Variants in ESRRG observed in about 807,000 individuals in gnomAD.
ESRRG encodes estrogen related receptor gamma.
In ESRRG, 13 loss-of-function variants were observed where a neutral mutation model predicts 44.0. The observed-to-expected ratio is 0.30, with a 90% CI of 0.19 to 0.47. The LOEUF is 0.47. ESRRG is among the 20% of genes least tolerant of loss of function. The pLI, the probability that ESRRG is intolerant of heterozygous loss-of-function variation, is 1.00. For missense variants in ESRRG, 395 were observed against 580.6 expected (o/e 0.68, Z 3.29); for synonymous variants, 215 against 214.6 (o/e 1.00, Z -0.02).
At chr1:216,844,483 T>C (rs953131257) in intron 2 of ESRRG, among the ~76,000 whole-genome samples, 2 of 152,070 alleles carry the variant, frequency 1.3e-5, no homozygotes, top group African/African-American at 4.8e-5. Context: ...CCTGCTCAGC[T>C]CTGATGTCAT....
intron 1 of ESRRG, among the ~76,000 whole-genome samples, chr1:216,966,803 C>T (rs550580653): frequency 6.2e-4 from 95 of 152,238 alleles, no homozygotes; most frequent in African/African-American, 2.1e-3. Context: ...CCACTATAAA[C>T]CAATGGCCTT....
intron 5 of ESRRG, among the ~76,000 whole-genome samples, chr1:216,524,252 A>ATATATATACATATATATATATATGTAAGT (rs2046980686): frequency 1.4e-5 from 1 of 70,000 alleles, no homozygotes; most frequent in Non-Finnish European, 3.3e-5. Context: ...TATGTAAGTT[A>ATATATATACATATATATATATATGTAAGT]TATATATATA....
chr1:216,763,744 C>T (rs1408731615), intron 2 of ESRRG, among the ~76,000 whole-genome samples: 2 of 152,070 alleles, frequency 1.3e-5, no homozygotes, highest in African/African-American at 2.4e-5. Flanking sequence ...TTTTGGATCC[C>T]AACAGATGTA....
At chr1:217,102,284 T>G (rs759879364) in intron 1 of ESRRG, among the ~76,000 whole-genome samples, 4 of 152,222 alleles carry the variant, frequency 2.6e-5, no homozygotes, top group Non-Finnish European at 1.5e-5. Flanking sequence ...AGCAAGTAAG[T>G]GTGGGATCTG....
chr1:217,118,855 A>C (rs545667619), intron 1 of ESRRG, among the ~76,000 whole-genome samples: 1 of 152,216 alleles, frequency 6.6e-6, no homozygotes, highest in Admixed American at 6.5e-5. Context: ...GTAGCCAAGC[A>C]TGGTGGCTTA....
At chr1:216,937,732 C>T (rs1048643627) in intron 2 of ESRRG, among the ~76,000 whole-genome samples, 2 of 152,158 alleles carry the variant, frequency 1.3e-5, no homozygotes, top group African/African-American at 4.8e-5. Flanking sequence ...AGGCTGGGGA[C>T]CTGAAACCCA....
chr1:216,793,902 T>TA (rs1468973511), intron 2 of ESRRG, among the ~76,000 whole-genome samples: 1 of 152,116 alleles, frequency 6.6e-6, no homozygotes, highest in Non-Finnish European at 1.5e-5. Flanking sequence ...TTCCTGTTTT[T>TA]ATCATTAAAG....
chr1:216,648,004 G>GTT (rs886432915), intron 3 of ESRRG, among the ~76,000 whole-genome samples: 1 of 152,162 alleles, frequency 6.6e-6, no homozygotes, highest in Admixed American at 6.5e-5. Context: ...CAACACGGGG[G>GTT]TTGTAGCAGC....
intron 3 of ESRRG, among the ~76,000 whole-genome samples, chr1:216,592,820 A>T (rs1443420436): frequency 1.3e-5 from 2 of 152,176 alleles, no homozygotes; most frequent in Non-Finnish European, 2.9e-5. Flanking sequence ...ATCTTGTTAT[A>T]ATCTGGCAGA....
chr1:216,629,199 A>T (rs1230963140), intron 3 of ESRRG, among the ~76,000 whole-genome samples: 2 of 152,234 alleles, frequency 1.3e-5, no homozygotes, highest in Non-Finnish European at 2.9e-5. Flanking sequence ...GAGATGGTCA[A>T]TATATCTTTG....
chr1:216,896,648 T>C (rs1417962926), intron 2 of ESRRG, among the ~76,000 whole-genome samples: 2 of 152,220 alleles, frequency 1.3e-5, no homozygotes, highest in African/African-American at 2.4e-5. Context: ...TACTTTGGGA[T>C]TCTAGGAACC....
intron 2 of ESRRG, among the ~76,000 whole-genome samples, chr1:216,934,277 T>C (rs1016975724): frequency 6.6e-6 from 1 of 152,008 alleles, no homozygotes; most frequent in Non-Finnish European, 1.5e-5. Flanking sequence ...CTACTAAATA[T>C]ACAAAAATTA....
intron 2 of ESRRG, among the ~76,000 whole-genome samples, chr1:216,921,467 G>A (rs2061836715): frequency 1.3e-5 from 2 of 152,162 alleles, no homozygotes; most frequent in South Asian, 4.1e-4. Flanking sequence ...ACAATGGACT[G>A]CGAACTCCTA....
At chr1:216,599,823 GA>G (rs1314401225) in intron 3 of ESRRG, among the ~76,000 whole-genome samples, 2,189 of 136,726 alleles carry the variant, frequency 0.016, 44 homozygotes, top group African/African-American at 0.05. Context: ...GAATTAACAG[GA>G]AAAAAAAAAA....
chr1:216,694,685 T>G (rs534773846), intron 1 of ESRRG, among the ~76,000 whole-genome samples: 2 of 151,968 alleles, frequency 1.3e-5, no homozygotes, highest in South Asian at 4.2e-4. Flanking sequence ...CAGCCCCGAG[T>G]ACCAGGGATT....
chr1:216,983,688 G>GTGCA (rs918168111), intron 1 of ESRRG, among the ~76,000 whole-genome samples: 1 of 228 alleles, frequency 4.4e-3, no homozygotes, highest in Admixed American at 0.038. Context: ...GCATGTGCAT[G>GTGCA]TGTGTGTGTG....
intron 1 of ESRRG, among the ~76,000 whole-genome samples, chr1:217,088,389 T>C (rs1045076180): frequency 1.2e-4 from 18 of 147,304 alleles, no homozygotes; most frequent in Non-Finnish European, 1.9e-4. Flanking sequence ...GAATTTCTTT[T>C]TTTCCTGTCT....
In ESRRG at chr1:216,538,551, G is replaced by A. The variant is rs1156842738; in HGVS notation, c.863-19130C>T. ...AGCCAGAGGTGACTCGGGCAGCTGA[G>A]TAATTCCTCCAGGGAAACGCAGGAT... On this transcript the variant is annotated intron_variant, in intron 5 of 6. Coordinates refer to ENST00000408911, the MANE Select transcript of ESRRG (RefSeq NM_001438.4). 5.3e-5 allele frequency among the ~76,000 whole-genome samples: 8 copies of A among 152,180 alleles called. No individual in the cohort carries two copies. In the East Asian group the frequency reaches 1.6e-3, roughly 30 times the overall value.
At chr1:216,732,880 C>T (rs61819765) in intron 2 of ESRRG, among the ~76,000 whole-genome samples, 22,693 of 149,256 alleles carry the variant, frequency 0.15, 1,840 homozygotes, top group South Asian at 0.26. Context: ...CTTGTGGTCT[C>T]AATAATTTCC....
Sources: allele counts gnomAD v4.1 joint callset (sites outside exome capture counted in the v4.1 genomes callset), GRCh38; gene constraint gnomAD v4.1.1; transcripts MANE v1.5; gene names NCBI Gene and HGNC (gene_info 2026-07-23, HGNC 2026-07-21).